The following KLHL29 variants were observed in gnomAD, a reference collection of about 807,000 sequenced individuals.
KLHL29 encodes kelch-like protein 29.
A neutral mutation model predicts 80.4 loss-of-function variants in KLHL29; 21 were observed. The observed-to-expected ratio is 0.26, with a 90% CI of 0.19 to 0.38. The LOEUF (loss-of-function observed/expected upper bound fraction) is 0.38. KLHL29 is among the 10% of genes least tolerant of loss of function. The pLI, the probability that KLHL29 is intolerant of heterozygous loss-of-function variation, is 1.00. For synonymous variants in KLHL29, 511 were observed against 526.8 expected (o/e 0.97, Z 0.41); for missense variants, 867 against 1,223.9 (o/e 0.71, Z 4.35).
chr2:23,605,804 C>G (rs1324372910), intron 3 of KLHL29, among the ~76,000 whole-genome samples: 2 of 150,554 alleles, frequency 1.3e-5, no homozygotes, highest in Middle Eastern at 3.4e-3. Flanking sequence ...GGGTCTCACT[C>G]TGTCGCCCAG....
At chr2:23,533,184 C>A (rs1261315552) in intron 2 of KLHL29, among the ~76,000 whole-genome samples, 1 of 152,112 alleles carries the variant, frequency 6.6e-6, no homozygotes. Context: ...GGGTCAAAGG[C>A]AGCAGAGAAA....
chr2:23,640,703 G>A (rs1157788947), intron 4 of KLHL29, among the ~76,000 whole-genome samples: 2 of 152,174 alleles, frequency 1.3e-5, no homozygotes, highest in African/African-American at 2.4e-5. Flanking sequence ...CATGTATTGC[G>A]TGCCCTGTTC....
intron 3 of KLHL29, among the ~76,000 whole-genome samples, chr2:23,581,275 C>T (rs1372582352): frequency 6.6e-6 from 1 of 152,148 alleles, no homozygotes; most frequent in South Asian, 2.1e-4. Flanking sequence ...TCCCCACTCC[C>T]CACCCGGTCT....
intron 6 of KLHL29, among the ~76,000 whole-genome samples, chr2:23,687,784 T>C (rs1435621542): frequency 6.6e-6 from 1 of 152,114 alleles, no homozygotes; most frequent in Non-Finnish European, 1.5e-5. Context: ...CACAGGTGAC[T>C]CCACGTTGCT....
chr2:23,534,174 C>T (rs946328250), intron 2 of KLHL29, among the ~76,000 whole-genome samples: 3 of 152,102 alleles, frequency 2.0e-5, no homozygotes, highest in Non-Finnish European at 2.9e-5. Context: ...ACAGGACAAC[C>T]GGGGCTTCAG....
intron 1 of KLHL29, among the ~76,000 whole-genome samples, chr2:23,434,901 G>C (rs1290177337): frequency 1.3e-5 from 2 of 152,188 alleles, no homozygotes; most frequent in Non-Finnish European, 2.9e-5. Context: ...GGTGGGGAGT[G>C]TCAGGCTGTC....
At chr2:23,481,721 G>A (rs1448605288) in intron 2 of KLHL29, among the ~76,000 whole-genome samples, 1 of 152,226 alleles carries the variant, frequency 6.6e-6, no homozygotes, top group East Asian at 1.9e-4. Flanking sequence ...TTCGAGACCA[G>A]CCTGACTGAC....
chr2:23,466,532 G>T (rs561561237), intron 1 of KLHL29, among the ~76,000 whole-genome samples: 3 of 152,196 alleles, frequency 2.0e-5, no homozygotes, highest in Admixed American at 6.5e-5. Context: ...TGGGAGAGAA[G>T]CAGTGAATGG....
chr2:23,593,892 A>G (rs1668330034), intron 3 of KLHL29, among the ~76,000 whole-genome samples: 1 of 152,134 alleles, frequency 6.6e-6, no homozygotes, highest in African/African-American at 2.4e-5. Context: ...GTTGTCCACA[A>G]GCTTTTCCTT....
chr2:23,705,995 C>A (rs1672698895), intron 13 of KLHL29, among the ~76,000 whole-genome samples: 1 of 152,218 alleles, frequency 6.6e-6, no homozygotes, highest in Admixed American at 6.5e-5. Context: ...GGGTGGGCAG[C>A]AGCACCAGGT....
intron 2 of KLHL29, among the ~76,000 whole-genome samples, chr2:23,559,213 A>G (rs1667378338): frequency 6.6e-6 from 1 of 152,188 alleles, no homozygotes; most frequent in Non-Finnish European, 1.5e-5. Context: ...GGCATTTGGA[A>G]TGATGGGCCA....
intron 2 of KLHL29, among the ~76,000 whole-genome samples, chr2:23,492,841 C>A (rs1307836115): frequency 6.6e-6 from 1 of 152,102 alleles, no homozygotes; most frequent in African/African-American, 2.4e-5. Flanking sequence ...TGCCCATCGG[C>A]TGGGTTCCTT....
intron 2 of KLHL29, among the ~76,000 whole-genome samples, chr2:23,516,361 T>C (rs564914641): frequency 6.6e-6 from 1 of 151,816 alleles, no homozygotes; most frequent in Admixed American, 6.5e-5. Context: ...ATTTCCAGAT[T>C]CATTTATTTT....
intron 3 of KLHL29, among the ~76,000 whole-genome samples, chr2:23,564,178 T>C (rs1460361720): frequency 6.6e-6 from 1 of 152,174 alleles, no homozygotes; most frequent in Non-Finnish European, 1.5e-5. Flanking sequence ...GTTGGGCTGC[T>C]CTGGGGGATG....
intron 1 of KLHL29, among the ~76,000 whole-genome samples, chr2:23,467,646 C>A (rs927291767): frequency 2.6e-5 from 4 of 152,282 alleles, no homozygotes; most frequent in African/African-American, 9.6e-5. Flanking sequence ...GCCACTGGCT[C>A]TGTAGGCTTG....
At position 23,421,222 on chromosome 2, in the gene KLHL29, CA is replaced by C. The variant is rs1662791891; in HGVS notation, c.-154+35444del. ...TCCTCCTGGTCTGTCACATGCTAGA[CA>C]ATGGTTGGCACCTGTCTTGTGGTGT... On this transcript the variant is annotated intron_variant, in intron 1 of 13. Transcript: ENST00000486442. Among the ~76,000 whole-genome samples, 7 of 152,376 alleles carry C rather than the reference CA, an allele frequency of 4.6e-5. No homozygotes were observed. The South Asian group carries it at 1.4e-3, about 32-fold the overall frequency.
At position 23,639,212 on chromosome 2, in the gene KLHL29, T is replaced by G. The variant is rs1319715570; in HGVS notation, c.359T>G (p.Ile120Ser). 3 of 1,547,688 alleles carry G rather than the reference T, an allele frequency of 1.9e-6. No homozygotes were observed. Among genetic ancestry groups the G allele is most frequent in the Non-Finnish European group, 2.6e-6 (3 of 1,145,358 alleles). Residue 120 changes from isoleucine (I) to serine (S), a missense_variant, in exon 4 of 14, where the codon ATC (isoleucine) becomes AGC (serine). By Grantham distance (142) the Ile-to-Ser change is moderately radical. Coordinates refer to ENST00000486442, the MANE Select transcript of KLHL29 (RefSeq NM_052920.2). ...AGCATCCGGTGGGGGCAGACGCCTATCAATCAGTCCACACCCTGGGACACT... is the reference window on the plus strand; with the variant it reads ...AGCATCCGGTGGGGGCAGACGCCTAGCAATCAGTCCACACCCTGGGACACT... ...ATSIRWGQTP[I>S]NQSTPWDTDE... is the part of the protein sequence containing the mutation.
At chr2:23,629,694 AAAGTGTCTCC>A (rs1279024886) in intron 3 of KLHL29, among the ~76,000 whole-genome samples, 74 of 152,330 alleles carry the variant, frequency 4.9e-4, no homozygotes, top group East Asian at 3.9e-4. Context: ...ACTTTCAGCA[AAAGTGTCTCC>A]AAGGTATAGA....
chr2:23,633,756 C>CGTGTGTGTGTGT (rs1181808728), intron 3 of KLHL29, among the ~76,000 whole-genome samples: 30 of 147,124 alleles, frequency 2.0e-4, no homozygotes, highest in African/African-American at 7.4e-4. Context: ...TCACAGCACT[C>CGTGTGTGTGTGT]GTGTGTGTGT....
Sources: gnomAD v4.1 joint callset for allele counts (sites outside exome capture counted in the v4.1 genomes callset) on GRCh38, gnomAD v4.1.1 for gene constraint, MANE v1.5 for transcripts, NCBI Gene and HGNC (gene_info 2026-07-23, HGNC 2026-07-21) for gene names.